The following DPP6 variants were observed in gnomAD, a reference collection of about 807,000 sequenced individuals.
The protein encoded by DPP6 is A-type potassium channel modulatory protein DPP6.
DPP6 carries 69 observed loss-of-function variants against 122.6 expected under a neutral mutation model. That is an observed-to-expected ratio of 0.56 (90% CI 0.46 to 0.69). DPP6 has a LOEUF of 0.69. DPP6 is among the 30% of genes least tolerant of loss of function. The probability of loss-of-function intolerance (pLI) is 0.00; values close to 1 mark genes in which losing one functional copy is unlikely to be tolerated. For synonymous variants in DPP6, 418 were observed against 433.1 expected, an observed-to-expected ratio of 0.97 and a Z score of 0.43; for missense variants, 928 against 1,116.9, an observed-to-expected ratio of 0.83 and a Z score of 2.41.
At chr7:153,954,408 A>G (rs1488185473) in intron 1 of DPP6, among the ~76,000 whole-genome samples, 2 of 152,222 alleles carry the variant, frequency 1.3e-5, no homozygotes, top group Non-Finnish European at 2.9e-5. Context: ...CATACTTTAC[A>G]TTTGAAGGAC....
intron 1 of DPP6, among the ~76,000 whole-genome samples, chr7:154,350,059 T>TC (rs1810719961): frequency 1.3e-5 from 2 of 152,044 alleles, no homozygotes; most frequent in African/African-American, 4.8e-5. Flanking sequence ...TTAAGTAAAA[T>TC]ATCAGTCAGA....
At chr7:154,422,511 A>G (rs1196748087) in intron 1 of DPP6, among the ~76,000 whole-genome samples, 4 of 152,184 alleles carry the variant, frequency 2.6e-5, no homozygotes, top group Admixed American at 6.5e-5. Flanking sequence ...GATCACCTTC[A>G]AAAAACACAC....
In DPP6 at chr7:154,821,083, G is replaced by C. The variant is rs1440492404; in HGVS notation, c.1666+13971G>C. The stretch of plus-strand genomic sequence containing the variant: ...ACTGTACTTCAAGATGTTCTCTGCA[G>C]AGGGTCATTTGGAATAAATTTTCCT... On this transcript the variant is annotated intron_variant, in intron 16 of 25. Transcript: ENST00000377770. This position sits in a 1 kb window ranked among gnomAD's most constrained non-coding sequence, Gnocchi z 4.2. Among the ~76,000 whole-genome samples the C allele has an allele frequency of 1.3e-5, 2 of 152,182 alleles. No individual in the cohort carries two copies. The highest frequency in any genetic ancestry group is 4.8e-5 in the African/African-American group (2 of 41,442).
intron 1 of DPP6, among the ~76,000 whole-genome samples, chr7:154,436,414 C>T (rs1210673751): frequency 1.3e-5 from 2 of 151,950 alleles, no homozygotes; most frequent in Non-Finnish European, 2.9e-5. Context: ...AAAATCAGCA[C>T]ATGCCCCATC....
intron 3 of DPP6, among the ~76,000 whole-genome samples, chr7:154,515,936 A>C (rs978797110): frequency 2.0e-5 from 3 of 152,222 alleles, no homozygotes; most frequent in African/African-American, 7.2e-5. Flanking sequence ...CTAAACAGTG[A>C]GAACGAAAAT....
the DPP6 span, among the ~76,000 whole-genome samples, chr7:153,859,100 C>T: frequency 6.6e-6 from 1 of 152,188 alleles, no homozygotes; most frequent in Non-Finnish European, 1.5e-5. Flanking sequence ...AAGTAAAAAG[C>T]TGTTCAACAG....
chr7:154,819,399 G>A (rs1000416716), intron 16 of DPP6, among the ~76,000 whole-genome samples: 1 of 152,168 alleles, frequency 6.6e-6, no homozygotes, highest in East Asian at 1.9e-4. Flanking sequence ...TGGGCAACAA[G>A]AGTGAAACTC....
At chr7:153,794,275 C>A in the DPP6 span, among the ~76,000 whole-genome samples, 5 of 152,246 alleles carry the variant, frequency 3.3e-5, no homozygotes, top group African/African-American at 1.2e-4. Context: ...TGCAAAGCGA[C>A]AGGAGTGGAG....
intron 5 of DPP6, among the ~76,000 whole-genome samples, chr7:154,630,204 C>T (rs1237353576): frequency 5.9e-5 from 9 of 152,174 alleles, no homozygotes; most frequent in Admixed American, 5.9e-4. Flanking sequence ...TACACCTAGC[C>T]ACCCTCTTCT....
chr7:153,875,909 C>A, the DPP6 span, among the ~76,000 whole-genome samples: 1 of 96,422 alleles, frequency 1.0e-5, no homozygotes. Flanking sequence ...AAAAAGCTGC[C>A]TAAAATATGA....
intron 6 of DPP6, among the ~76,000 whole-genome samples, chr7:154,646,268 G>C (rs1174008267): frequency 1.3e-5 from 2 of 152,140 alleles, no homozygotes; most frequent in Admixed American, 1.3e-4. Context: ...CACAATCAGT[G>C]AGTTTTGCCT....
At chr7:153,762,201 G>T in the DPP6 span, among the ~76,000 whole-genome samples, 1 of 152,106 alleles carries the variant, frequency 6.6e-6, no homozygotes, top group South Asian at 2.1e-4. Flanking sequence ...ATTTGTATTT[G>T]TAACCACGGA....
intron 1 of DPP6, among the ~76,000 whole-genome samples, chr7:154,141,482 G>T (rs1795841661): frequency 6.6e-6 from 1 of 152,206 alleles, no homozygotes; most frequent in Non-Finnish European, 1.5e-5. Context: ...TGCTTGGCAT[G>T]TAGTAGCTGC....
chr7:154,055,065 TAA>T, intron 1 of DPP6, among the ~76,000 whole-genome samples: 1 of 150,376 alleles, frequency 6.6e-6, no homozygotes, highest in African/African-American at 2.4e-5. Flanking sequence ...ACAGCATCTC[TAA>T]CTTAGATGTA....
At chr7:154,213,491 T>C (rs984416047) in intron 1 of DPP6, among the ~76,000 whole-genome samples, 1 of 152,134 alleles carries the variant, frequency 6.6e-6, no homozygotes, top group African/African-American at 2.4e-5. Flanking sequence ...GACAAAGAGT[T>C]CCCAATGTAA....
At chr7:154,300,976 A>G (rs1204991725) in intron 1 of DPP6, among the ~76,000 whole-genome samples, 1 of 152,136 alleles carries the variant, frequency 6.6e-6, no homozygotes, top group African/African-American at 2.4e-5. Context: ...TTATAAGAAG[A>G]GAGATTAGGA....
chr7:154,690,993 G>A (rs1271967418), intron 7 of DPP6, among the ~76,000 whole-genome samples: 1 of 152,172 alleles, frequency 6.6e-6, no homozygotes, highest in Non-Finnish European at 1.5e-5. Flanking sequence ...CATTTCTCAG[G>A]TTATTGTTTC....
intron 2 of DPP6, among the ~76,000 whole-genome samples, chr7:154,469,775 G>A (rs1822103165): frequency 1.3e-5 from 2 of 152,188 alleles, no homozygotes; most frequent in Non-Finnish European, 2.9e-5. Flanking sequence ...TGGAAGTCTT[G>A]TTCAAGCATC....
chr7:154,624,496 A>AAACT lies in DPP6; in HGVS notation c.628-13323_628-13322insCTAA, dbSNP rs1249905203. ...TGTCTCAACAAACAAACAAACAAAC[A>AAACT]AAAAATATATGCAGAGAAGAGAGTA... On this transcript the variant is annotated intron_variant, in intron 5 of 25. Coordinates refer to ENST00000377770, the MANE Select transcript of DPP6 (RefSeq NM_130797.4). The surrounding 1 kb of genome is among the most constrained non-coding windows in gnomAD (Gnocchi z 4.7). Among the ~76,000 whole-genome samples the AAACT allele has an allele frequency of 3.3e-5, 5 of 152,118 alleles. No homozygotes were observed. Among genetic ancestry groups the AAACT allele is most frequent in the Admixed American group, 6.5e-5 (1 of 15,276 alleles).
Sources: allele counts gnomAD v4.1 joint callset (sites outside exome capture counted in the v4.1 genomes callset), GRCh38; gene constraint gnomAD v4.1.1; non-coding constraint Gnocchi (gnomAD v3.1); transcripts MANE v1.5; gene names NCBI Gene and HGNC (gene_info 2026-07-23, HGNC 2026-07-21).